Variants in PIEZO2 observed in about 807,000 individuals in gnomAD.
The protein encoded by PIEZO2 is piezo type mechanosensitive ion channel component 2.
In PIEZO2, 172 loss-of-function variants were observed where a neutral mutation model predicts 337.3. The ratio of observed to expected loss-of-function variants is 0.51; its 90% CI spans 0.45 to 0.58. PIEZO2 has a LOEUF of 0.58. Ranked by LOEUF, PIEZO2 falls within the 20% of genes least tolerant of loss-of-function variation. The probability of loss-of-function intolerance (pLI) is 0.00; values close to 1 mark genes in which losing one functional copy is unlikely to be tolerated. For synonymous variants in PIEZO2, 1,251 were observed against 1,228.5 expected, an observed-to-expected ratio of 1.02 and a Z score of -0.38; for missense variants, 3,028 against 3,391.3, an observed-to-expected ratio of 0.89 and a Z score of 2.66.
intron 48 of PIEZO2, among the ~76,000 whole-genome samples, chr18:10,690,928 A>G (rs2034791728): frequency 6.6e-6 from 1 of 152,206 alleles, no homozygotes; most frequent in African/African-American, 2.4e-5. Context: ...AGAAGTATAT[A>G]AATACTTACA....
At position 11,035,255 on chromosome 18, in the gene PIEZO2, GCT is replaced by G. The variant is rs2145781794; in HGVS notation, c.160+30870_160+30871del. ...TCCCAGCAGTAATGAGAGAGTTCTTGCTCTGTTAGTTCACGGAGAGCTGGTTG... is the reference window on the plus strand; with the variant it reads ...TCCCAGCAGTAATGAGAGAGTTCTTGCTGTTAGTTCACGGAGAGCTGGTTG... On this transcript the variant is annotated intron_variant, in intron 2 of 55. Coordinates refer to ENST00000674853, the MANE Select transcript of PIEZO2 (RefSeq NM_001378183.1). The surrounding 1 kb of genome is among the most constrained non-coding windows in gnomAD (Gnocchi z 4.3). Among the ~76,000 whole-genome samples, 4 of 152,156 alleles carry G rather than the reference GCT, an allele frequency of 2.6e-5. No homozygotes were observed. In the East Asian group the frequency reaches 7.7e-4, roughly 29 times the overall value.
In PIEZO2 at chr18:10,672,269, TG is replaced by T. The variant is rs2033813632; in HGVS notation, c.8345+420del. On this transcript the variant is annotated intron_variant, in intron 55 of 55. Transcript: ENST00000674853. This position sits in a 1 kb window ranked among gnomAD's most constrained non-coding sequence, Gnocchi z 4.7. ...TACAATATTTTACATTTGTGTCTTGTGGGGATGTGCGTGTCCTAGGATTTAA... is the reference window on the plus strand; with the variant it reads ...TACAATATTTTACATTTGTGTCTTGTGGGATGTGCGTGTCCTAGGATTTAA... 6.6e-6 allele frequency among the ~76,000 whole-genome samples: 1 copy of T among 152,164 alleles called. No homozygotes were observed. Among genetic ancestry groups the T allele is most frequent in the Admixed American group, 6.5e-5 (1 of 15,276 alleles).
chr18:10,785,355 C>T (rs1027530838), intron 16 of PIEZO2, among the ~76,000 whole-genome samples: 1 of 152,162 alleles, frequency 6.6e-6, no homozygotes, highest in African/African-American at 2.4e-5. Flanking sequence ...GCTGTGCTTT[C>T]CCCCTAGGGA....
intron 8 of PIEZO2, among the ~76,000 whole-genome samples, chr18:10,805,426 G>A (rs957834121): frequency 1.3e-5 from 2 of 152,198 alleles, no homozygotes; most frequent in African/African-American, 4.8e-5. Context: ...TGAGGCAGGA[G>A]AATTGCTTGA....
chr18:10,739,309 A>G (rs1416906730), intron 33 of PIEZO2: 1 of 152,248 alleles, frequency 6.6e-6, no homozygotes, highest in African/African-American at 2.4e-5. Flanking sequence ...TTTAACATCA[A>G]TCTTCAATAA....
At chr18:10,698,012 C>CATTTGTGAACAAGTCCTGA in intron 44 of PIEZO2, 132 bp from the exon 45 acceptor site, 1 of 1,062,350 alleles carries the variant, frequency 9.4e-7, no homozygotes, top group Non-Finnish European at 1.3e-6. Context: ...TGAGTATGCA[C>CATTTGTGAACAAGTCCTGA]GGCCTTGGGA....
Position 10,784,204 on chromosome 18 carries a change from T to C in PIEZO2, c.2492+580A>G, listed in dbSNP as rs1400285963. On this transcript the variant is annotated intron_variant, in intron 17 of 55. Transcript: ENST00000674853. The surrounding 1 kb of genome is among the most constrained non-coding windows in gnomAD (Gnocchi z 4.5). ...GGCAGGAAAAGTAATATCCCATCTG[T>C]TATTTGCAAACAATGTATATTTATT... 6.6e-6 allele frequency among the ~76,000 whole-genome samples: 1 copy of C among 152,212 alleles called. No individual in the cohort carries two copies. The highest frequency in any genetic ancestry group is 2.4e-5 in the African/African-American group (1 of 41,456).
Position 10,795,480 on chromosome 18 carries a change from T to TG in PIEZO2, c.1528-479dup, listed in dbSNP as rs1179167528. Among the ~76,000 whole-genome samples, 1 of 151,964 alleles carries TG rather than the reference T, an allele frequency of 6.6e-6. No homozygotes were observed. The highest frequency in any genetic ancestry group is 1.5e-5 in the Non-Finnish European group (1 of 68,014). ...GAGAGAAAAAAAAATGGTATACTCC[T>TG]GTGAGCTCAGAATGAGAGATTTGCT... On this transcript the variant is annotated intron_variant, in intron 12 of 55. Transcript: ENST00000674853. The surrounding 1 kb of genome is among the most constrained non-coding windows in gnomAD (Gnocchi z 4.4).
intron 20 of PIEZO2, among the ~76,000 whole-genome samples, chr18:10,770,943 C>T: frequency 6.6e-6 from 1 of 152,228 alleles, no homozygotes; most frequent in East Asian, 1.9e-4. Context: ...GTTGGCCAGG[C>T]TGGTCTTGAA....
chr18:10,927,273 C>T (rs1208451575), intron 3 of PIEZO2, among the ~76,000 whole-genome samples: 1 of 152,176 alleles, frequency 6.6e-6, no homozygotes, highest in Admixed American at 6.5e-5. Flanking sequence ...CCTTTGGAAG[C>T]TCAAGTTCTT....
chr18:10,867,968 C>T (rs914331628), intron 5 of PIEZO2, among the ~76,000 whole-genome samples: 3 of 152,188 alleles, frequency 2.0e-5, no homozygotes, highest in African/African-American at 7.2e-5. Context: ...CTGAAGTTGG[C>T]TGTCAGTAAA....
chr18:11,070,878 C>A lies in PIEZO2; in HGVS notation c.65-4656G>T, dbSNP rs934201860. Among the ~76,000 whole-genome samples, 1 of 152,112 alleles carries A rather than the reference C, an allele frequency of 6.6e-6. No homozygotes were observed. Among genetic ancestry groups the A allele is most frequent in the African/African-American group, 2.4e-5 (1 of 41,434 alleles). ...CGCAGTCCAGGCTGAGGGGACACAT[C>A]AGGATGCGAGTGGCGGGTACCCAGA... On this transcript the variant is annotated intron_variant, in intron 1 of 55. Transcript: ENST00000674853. The surrounding 1 kb of genome is among the most constrained non-coding windows in gnomAD (Gnocchi z 4.3).
intron 1 of PIEZO2, among the ~76,000 whole-genome samples, chr18:11,120,390 A>C (rs2039997013): frequency 6.6e-6 from 1 of 152,176 alleles, no homozygotes; most frequent in South Asian, 2.1e-4. Flanking sequence ...ATTTTTTTGC[A>C]TCCTGAGGGA....
intron 3 of PIEZO2, among the ~76,000 whole-genome samples, chr18:10,939,853 G>A (rs140381980): frequency 3.9e-4 from 60 of 152,054 alleles, no homozygotes; most frequent in African/African-American, 1.1e-3. Flanking sequence ...GTTGATAGGC[G>A]CAGCAAACCA....
chr18:10,858,454 G>A (rs1372352808), intron 5 of PIEZO2, among the ~76,000 whole-genome samples: 2 of 152,044 alleles, frequency 1.3e-5, no homozygotes, highest in African/African-American at 4.8e-5. Flanking sequence ...TAGGCTGACA[G>A]ACTTCATATC....
intron 4 of PIEZO2, among the ~76,000 whole-genome samples, chr18:10,891,919 C>T (rs2042769113): frequency 1.3e-5 from 2 of 151,964 alleles, no homozygotes; most frequent in South Asian, 4.2e-4. Context: ...ATAGAATCAC[C>T]CAAGAATATC....
rs747778789 is a variant in PIEZO2 at position 11,003,786 on chromosome 18, C to A, written c.161-24126G>T. On this transcript the variant is annotated intron_variant, in intron 2 of 55. Coordinates refer to ENST00000674853, the MANE Select transcript of PIEZO2 (RefSeq NM_001378183.1). The surrounding 1 kb of genome is among the most constrained non-coding windows in gnomAD (Gnocchi z 4.6). ...AGTACCTAGAAAAATCCCACACAGACCTGGGGAGAACAAGCAAACTCCACA... is the reference window on the plus strand; with the variant it reads ...AGTACCTAGAAAAATCCCACACAGAACTGGGGAGAACAAGCAAACTCCACA... 6.6e-6 allele frequency among the ~76,000 whole-genome samples: 1 copy of A among 152,156 alleles called. No individual in the cohort carries two copies. Among genetic ancestry groups the A allele is most frequent in the Non-Finnish European group, 1.5e-5 (1 of 68,034 alleles).
At chr18:10,787,247 A>G (rs2039256716) in intron 15 of PIEZO2, 63 bp from the exon 16 acceptor site, 29 of 1,421,278 alleles carry the variant, frequency 2.0e-5, no homozygotes, top group Non-Finnish European at 2.0e-5. Context: ...ACTCACAAAA[A>G]TATTTGGTTT....
chr18:11,106,177 C>T (rs1229384730), intron 1 of PIEZO2, among the ~76,000 whole-genome samples: 1 of 151,936 alleles, frequency 6.6e-6, no homozygotes, highest in Non-Finnish European at 1.5e-5. Context: ...AGCTCCGCCT[C>T]CCGGGTTCAC....
Sources: gnomAD v4.1 joint callset for allele counts (sites outside exome capture counted in the v4.1 genomes callset) on GRCh38, gnomAD v4.1.1 for gene constraint, Gnocchi (gnomAD v3.1) non-coding constraint, MANE v1.5 for transcripts, NCBI Gene and HGNC (gene_info 2026-07-23, HGNC 2026-07-21) for gene names.